ATAD1: variants seen among roughly 807,000 people sequenced by gnomAD.
ATAD1 encodes ATPase family AAA domain containing 1, also known as outer mitochondrial transmembrane helix translocase.
Under a neutral mutation model 42.7 loss-of-function variants are expected in ATAD1, and 18 were observed. The ratio of observed to expected loss-of-function variants is 0.42; its 90% CI spans 0.29 to 0.63. The LOEUF (loss-of-function observed/expected upper bound fraction) is 0.63, where lower values mean the gene tolerates loss of function less well. Ranked by LOEUF, ATAD1 falls within the 20% of genes least tolerant of loss-of-function variation. ATAD1 has a pLI of 0.19. For missense variants in ATAD1, 294 were observed against 440.4 expected (o/e 0.67, Z 2.98); for synonymous variants, 132 against 143.1 (o/e 0.92, Z 0.55).
chr10:87,789,451 T>C (rs910209000), intron 4 of ATAD1, among the ~76,000 whole-genome samples: 1 of 152,240 alleles, frequency 6.6e-6, no homozygotes, highest in Non-Finnish European at 1.5e-5. Flanking sequence ...CTGGGCACAA[T>C]GGCTCATGCC....
chr10:87,765,592 A>C (rs1272746599), intron 8 of ATAD1, among the ~76,000 whole-genome samples: 2 of 152,206 alleles, frequency 1.3e-5, no homozygotes, highest in African/African-American at 4.8e-5. Context: ...AAGAGTTCCT[A>C]CAGATTTATT....
At chr10:87,766,634 C>CA (rs1374445902) in intron 8 of ATAD1, among the ~76,000 whole-genome samples, 4 of 151,738 alleles carry the variant, frequency 2.6e-5, no homozygotes, top group Admixed American at 2.0e-4. Flanking sequence ...TGGTAAAATG[C>CA]AAAAAATACA....
At chr10:87,817,963 A>C (rs1042818502) in intron 1 of ATAD1, 4 of 985,472 alleles carry the variant, frequency 4.1e-6, no homozygotes, top group African/African-American at 1.7e-5. Context: ...GCCGGACGCC[A>C]AGGCGAGGCC....
At chr10:87,804,000 C>T (rs2132014742) in intron 2 of ATAD1, among the ~76,000 whole-genome samples, 1 of 152,288 alleles carries the variant, frequency 6.6e-6, no homozygotes, top group Non-Finnish European at 1.5e-5. Flanking sequence ...GACTCAGCTC[C>T]AGTAAACCTT....
At chr10:87,761,953 C>T (rs1048747492) in intron 8 of ATAD1, among the ~76,000 whole-genome samples, 5 of 151,880 alleles carry the variant, frequency 3.3e-5, no homozygotes, top group African/African-American at 4.8e-5. Context: ...TCATGTTGCC[C>T]GGACCTGTCT....
chr10:87,792,253 T>A (rs1856160645), intron 3 of ATAD1, among the ~76,000 whole-genome samples: 1 of 152,238 alleles, frequency 6.6e-6, no homozygotes, highest in Admixed American at 6.5e-5. Context: ...TCCATTTTCC[T>A]TCTGGGAGTC....
chr10:87,787,894 C>T (rs1217674207), intron 4 of ATAD1, among the ~76,000 whole-genome samples: 2 of 151,670 alleles, frequency 1.3e-5, no homozygotes, highest in Non-Finnish European at 2.9e-5. Flanking sequence ...AAAGAATGCA[C>T]CAAAACATGA....
chr10:87,813,764 T>C (rs1300365316), intron 2 of ATAD1, among the ~76,000 whole-genome samples: 1 of 152,008 alleles, frequency 6.6e-6, no homozygotes, highest in Non-Finnish European at 1.5e-5. Flanking sequence ...ATAAATTATG[T>C]TATTATACCA....
intron 2 of ATAD1, among the ~76,000 whole-genome samples, chr10:87,799,313 T>C (rs1034654857): frequency 6.6e-5 from 10 of 152,228 alleles, no homozygotes; most frequent in African/African-American, 2.4e-4. Flanking sequence ...GCTTGCGTAA[T>C]TGTTAATAAA....
chr10:87,758,855 G>C (rs1366665134), intron 8 of ATAD1, among the ~76,000 whole-genome samples: 1 of 152,030 alleles, frequency 6.6e-6, no homozygotes. Flanking sequence ...ATATAAAAAT[G>C]GGCAAATTCA....
At chr10:87,820,337 G>T (rs942315566), upstream of ATAD1, among the ~76,000 whole-genome samples, 1 of 152,114 alleles carries the variant, frequency 6.6e-6, no homozygotes, top group South Asian at 2.1e-4. Flanking sequence ...GATAGTAATG[G>T]ATTTTCATTC....
rs150813355 is a variant in ATAD1, at chr10:87,779,732, G to C, written c.584-3305C>G. Reference sequence around the variant, plus strand: ...CACATGAAACAATGTTCCACATCATGTCATTACGAAAATGCAAATTTTAAA... The same window carrying C: ...CACATGAAACAATGTTCCACATCATCTCATTACGAAAATGCAAATTTTAAA... On this transcript the variant is annotated intron_variant, in intron 5 of 9. Coordinates refer to ENST00000680024, the MANE Select transcript of ATAD1 (RefSeq NM_001321967.2). Among the ~76,000 whole-genome samples, 75 of 152,250 alleles carry C rather than the reference G, an allele frequency of 4.9e-4. No individual in the cohort carries two copies. The East Asian group carries it at 0.013, about 27-fold the overall frequency.
intron 8 of ATAD1, among the ~76,000 whole-genome samples, chr10:87,765,236 A>G (rs117707012): frequency 0.01 from 1,575 of 152,242 alleles, 14 homozygotes; most frequent in Non-Finnish European, 0.017. Flanking sequence ...TTTTGATAAA[A>G]GTAGTATCTC....
chr10:87,774,482 T>C (rs1432069382), intron 6 of ATAD1, among the ~76,000 whole-genome samples: 1 of 152,156 alleles, frequency 6.6e-6, no homozygotes, highest in Non-Finnish European at 1.5e-5. Flanking sequence ...ACTGACCTGG[T>C]AGATGTGAAA....
chr10:87,792,760 A>G lies in ATAD1; in HGVS notation c.163-5T>C, dbSNP rs1310468686. 1.9e-6 allele frequency: 3 copies of G among 1,609,096 alleles called. No homozygotes were observed. Among genetic ancestry groups the G allele is most frequent in the African/African-American group, 2.7e-5 (2 of 74,830 alleles). On this transcript the variant is annotated splice_polypyrimidine_tract_variant and splice_region_variant and intron_variant, in intron 2 of 9. Coordinates refer to ENST00000680024, the MANE Select transcript of ATAD1 (RefSeq NM_001321967.2). Reference sequence around the variant, plus strand: ...TTGCTTCATTAGTTTTTCTGCCTAGAATGAAAAGAACAAACAACCTGCTTT... The same window carrying G: ...TTGCTTCATTAGTTTTTCTGCCTAGGATGAAAAGAACAAACAACCTGCTTT...
chr10:87,786,902 C>G (rs1855862923), intron 4 of ATAD1, among the ~76,000 whole-genome samples: 1 of 151,986 alleles, frequency 6.6e-6, no homozygotes. Context: ...TTGCAGTGAG[C>G]CGAGATTGCG....
At chr10:87,813,894 T>G (rs1330610443) in intron 2 of ATAD1, among the ~76,000 whole-genome samples, 2 of 152,098 alleles carry the variant, frequency 1.3e-5, no homozygotes, top group Non-Finnish European at 2.9e-5. Context: ...AAGGTTTTTA[T>G]GTTTTGATGA....
chr10:87,775,742 C>A (rs926483712), intron 6 of ATAD1, among the ~76,000 whole-genome samples: 2 of 152,086 alleles, frequency 1.3e-5, no homozygotes, highest in African/African-American at 4.8e-5. Flanking sequence ...TAACAGGGAA[C>A]AAGCTATGGT....
At chr10:87,812,175 T>C (rs193009548) in intron 2 of ATAD1, among the ~76,000 whole-genome samples, 142 of 151,236 alleles carry the variant, frequency 9.4e-4, no homozygotes, top group Non-Finnish European at 1.1e-3. Context: ...TGCATACTAC[T>C]ATAAGGTGAA....
Sources: allele counts gnomAD v4.1 joint callset (sites outside exome capture counted in the v4.1 genomes callset), GRCh38; gene constraint gnomAD v4.1.1; transcripts MANE v1.5; gene names NCBI Gene and HGNC (gene_info 2026-07-23, HGNC 2026-07-21).